PLCG2: variants seen among roughly 807,000 people sequenced by gnomAD.
PLCG2 encodes phospholipase C gamma 2, also known as 1-phosphatidylinositol 4,5-bisphosphate phosphodiesterase gamma-2.
PLCG2 carries 69 observed loss-of-function variants against 175.6 expected under a neutral mutation model. That is an observed-to-expected ratio of 0.39 (90% confidence interval 0.32 to 0.48). The LOEUF is 0.48. Ranked by LOEUF, PLCG2 falls within the 20% of genes least tolerant of loss-of-function variation. The pLI is 0.91. For missense variants in PLCG2, 1,798 were observed against 1,650.9 expected (o/e 1.09, Z -1.54); for synonymous variants, 827 against 624.0 (o/e 1.33, Z -4.85).
chr16:81,881,037 C>G, intron 8 of PLCG2, 84 bp downstream of exon 8: 1 of 1,386,728 alleles, frequency 7.2e-7, no homozygotes, highest in Non-Finnish European at 1.0e-6. Flanking sequence ...GAGGGGATGC[C>G]TGTGTGTGCA....
chr16:81,824,025 T>G (rs1567483042), intron 2 of PLCG2, among the ~76,000 whole-genome samples: 1 of 40,082 alleles, frequency 2.5e-5, no homozygotes. Context: ...TTTCCTTTCC[T>G]TTCCTTTCCT....
chr16:81,948,246 C>A (rs748684651), intron 31 of PLCG2, among the ~76,000 whole-genome samples: 3 of 135,898 alleles, frequency 2.2e-5, no homozygotes, highest in Non-Finnish European at 5.3e-5. Flanking sequence ...CCTAAGTTGT[C>A]GTATTATATC....
chr16:81,920,107 G>A (rs934028736), intron 20 of PLCG2, among the ~76,000 whole-genome samples: 9 of 152,160 alleles, frequency 5.9e-5, no homozygotes, highest in African/African-American at 2.2e-4. Flanking sequence ...CAGCATGGCC[G>A]GAATCAAGCC....
At chr16:81,884,325 TG>T in intron 9 of PLCG2, among the ~76,000 whole-genome samples, 1 of 151,528 alleles carries the variant, frequency 6.6e-6, no homozygotes, top group Non-Finnish European at 1.5e-5. Context: ...GACTGCAGCC[TG>T]GGCAACAGAG....
intron 7 of PLCG2, among the ~76,000 whole-genome samples, chr16:81,873,199 C>G (rs1321088982): frequency 6.6e-6 from 1 of 152,174 alleles, no homozygotes; most frequent in Non-Finnish European, 1.5e-5. Flanking sequence ...TTGGGGGAAG[C>G]CATCTCTGTC....
chr16:81,899,141 G>C (rs1909026874), intron 13 of PLCG2, among the ~76,000 whole-genome samples: 1 of 151,772 alleles, frequency 6.6e-6, no homozygotes, highest in Non-Finnish European at 1.5e-5. Flanking sequence ...ATGAGCTGAG[G>C]TCACGCCATT....
At chr16:81,816,264 G>T (rs1904542562) in intron 2 of PLCG2, among the ~76,000 whole-genome samples, 2 of 151,948 alleles carry the variant, frequency 1.3e-5, no homozygotes, top group South Asian at 4.2e-4. Context: ...CCAGCTACTT[G>T]GGAGGCAGAG....
chr16:81,845,712 G>A (rs970387775), intron 2 of PLCG2, among the ~76,000 whole-genome samples: 1 of 152,224 alleles, frequency 6.6e-6, no homozygotes, highest in South Asian at 2.1e-4. Flanking sequence ...CTGCACCCCT[G>A]TGGGTAGTGG....
chr16:81,822,710 G>T (rs112942016), intron 2 of PLCG2, among the ~76,000 whole-genome samples: 7 of 128,418 alleles, frequency 5.5e-5, no homozygotes, highest in Non-Finnish European at 7.8e-5. Context: ...TGAGTGAACC[G>T]AGTTCATGCC....
At chr16:81,854,670 C>A in intron 3 of PLCG2, 83 bp downstream of exon 3, 1 of 1,229,754 alleles carries the variant, frequency 8.1e-7, no homozygotes, top group Non-Finnish European at 1.2e-6. Context: ...GAATGCTCAC[C>A]CCTGCCTGCT....
chr16:81,778,079 C>CAAAACAAAACAAA (rs1567458056), upstream of PLCG2, among the ~76,000 whole-genome samples: 44 of 96,116 alleles, frequency 4.6e-4, 6 homozygotes, highest in African/African-American at 1.4e-3. Flanking sequence ...AACACACACA[C>CAAAACAAAACAAA]ACAAAAAAAA....
chr16:81,915,975 C>G (rs1056959839), intron 19 of PLCG2, among the ~76,000 whole-genome samples: 1 of 152,096 alleles, frequency 6.6e-6, no homozygotes, highest in African/African-American at 2.4e-5. Context: ...GCTGGTGTGT[C>G]CATCCAGACA....
At chr16:81,912,332 C>T (rs1166063812) in intron 18 of PLCG2, among the ~76,000 whole-genome samples, 2 of 152,248 alleles carry the variant, frequency 1.3e-5, no homozygotes. Context: ...TCCCAAAGTG[C>T]TGGGATTTCA....
chr16:81,817,427 C>T (rs1247121629), intron 2 of PLCG2, among the ~76,000 whole-genome samples: 9 of 152,234 alleles, frequency 5.9e-5, no homozygotes, highest in South Asian at 2.1e-4. Context: ...GAAGGAGTTT[C>T]GCTTTTGTTG....
chr16:81,770,063 CA>C, intron 2 of PLCG2, among the ~76,000 whole-genome samples: 1 of 152,046 alleles, frequency 6.6e-6, no homozygotes, highest in Middle Eastern at 3.2e-3. Flanking sequence ...TTTGGTAAGC[CA>C]AAAAGATTCC....
chr16:81,888,457 G>T (rs1908477673), intron 9 of PLCG2, among the ~76,000 whole-genome samples: 1 of 152,172 alleles, frequency 6.6e-6, no homozygotes, highest in Non-Finnish European at 1.5e-5. Flanking sequence ...AAACTCCTGA[G>T]CTCAGGCAGT....
chr16:81,874,586 TG>T (rs1567510077), intron 7 of PLCG2, among the ~76,000 whole-genome samples: 1 of 152,122 alleles, frequency 6.6e-6, no homozygotes, highest in Non-Finnish European at 1.5e-5. Context: ...TTTTGTGATT[TG>T]GGGGGAATGA....
intron 2 of PLCG2, among the ~76,000 whole-genome samples, chr16:81,847,037 C>A (rs1220963981): frequency 6.6e-6 from 1 of 152,196 alleles, no homozygotes; most frequent in Non-Finnish European, 1.5e-5. Context: ...AGACTCTGTC[C>A]CATTTCAGGT....
chr16:81,880,784 A>G (rs1908039354), intron 7 of PLCG2, 126 bp from the exon 8 acceptor site: 1 of 830,390 alleles, frequency 1.2e-6, no homozygotes, highest in Admixed American at 2.4e-5. Context: ...CATCAACTAA[A>G]ATGATATTTT....
Sources: gnomAD v4.1 joint callset for allele counts (sites outside exome capture counted in the v4.1 genomes callset) on GRCh38, gnomAD v4.1.1 for gene constraint, MANE v1.5 for transcripts, NCBI Gene and HGNC (gene_info 2026-07-23, HGNC 2026-07-21) for gene names.